PLXDC2: variants seen among roughly 807,000 people sequenced by gnomAD.
PLXDC2 encodes the protein plexin domain containing 2.
PLXDC2 carries 40 observed loss-of-function variants against 68.9 expected under a neutral mutation model. The ratio of observed to expected loss-of-function variants is 0.58; its 90% CI spans 0.45 to 0.76. The LOEUF (loss-of-function observed/expected upper bound fraction) is 0.76, where lower values mean the gene tolerates loss of function less well. Ranked by LOEUF, PLXDC2 falls within the 30% of genes least tolerant of loss-of-function variation. The pLI, the probability that PLXDC2 is intolerant of heterozygous loss-of-function variation, is 0.00. For missense variants in PLXDC2, 644 were observed against 661.9 expected (o/e 0.97, Z 0.30); for synonymous variants, 243 against 234.2 (o/e 1.04, Z -0.34).
intron 1 of PLXDC2, among the ~76,000 whole-genome samples, chr10:19,886,499 A>G (rs1837848676): frequency 6.6e-6 from 1 of 152,242 alleles, no homozygotes; most frequent in Non-Finnish European, 1.5e-5. Flanking sequence ...GTAATCCAGC[A>G]TATAAACAGA....
intron 2 of PLXDC2, 42 bp downstream of exon 2, chr10:20,002,028 T>C: frequency 6.4e-7 from 1 of 1,556,686 alleles, no homozygotes; most frequent in Non-Finnish European, 8.7e-7. Flanking sequence ...TTAATGAATT[T>C]ATTTCATGTA....
intron 2 of PLXDC2, among the ~76,000 whole-genome samples, chr10:20,009,172 A>G (rs990994130): frequency 2.6e-5 from 4 of 152,198 alleles, no homozygotes; most frequent in Non-Finnish European, 4.4e-5. Flanking sequence ...ATTTCACAGA[A>G]ATAGAGTGAT....
At chr10:20,082,064 C>CAAAAAAAAAAAAAAAAAAAAAAAAAAAAA (rs1252447303) in intron 4 of PLXDC2, among the ~76,000 whole-genome samples, 3 of 70,152 alleles carry the variant, frequency 4.3e-5, no homozygotes, top group Admixed American at 1.9e-4. Context: ...AAAAAAAAAT[C>CAAAAAAAAAAAAAAAAAAAAAAAAAAAAA]AAAAAAAAAA....
rs973001661 is a variant in PLXDC2, at chr10:20,282,869, T to G, written c.*3050T>G. On this transcript the variant is annotated 3_prime_UTR_variant, in exon 14 of 14. Coordinates refer to ENST00000377252, the MANE Select transcript of PLXDC2 (RefSeq NM_032812.9). ...TTGAGGTATCAAGGGCATTTGCCAA[T>G]CTCTTATATGTAGCTTCTAGAGTTG... 1.3e-5 allele frequency: 2 copies of G among 152,232 alleles called. No homozygotes were observed. Among genetic ancestry groups the G allele is most frequent in the South Asian group, 4.1e-4 (2 of 4,830 alleles). The allele number at this position is 152,232 out of a possible 1,614,324, so 9.4% of individuals were successfully genotyped here. A position where few individuals can be genotyped will look rare whatever the true frequency, so the allele number is the denominator to read the frequency against.
At chr10:19,997,755 A>C (rs1379740297) in intron 1 of PLXDC2, among the ~76,000 whole-genome samples, 1 of 152,196 alleles carries the variant, frequency 6.6e-6, no homozygotes, top group South Asian at 2.1e-4. Flanking sequence ...ATATATGAGG[A>C]TACACATGAA....
At chr10:19,908,373 C>T (rs575613772) in intron 1 of PLXDC2, among the ~76,000 whole-genome samples, 1 of 151,990 alleles carries the variant, frequency 6.6e-6, no homozygotes, top group African/African-American at 2.4e-5. Context: ...GTTAGAAGTA[C>T]CTAATTGATC....
At chr10:19,955,400 G>A (rs1457141284) in intron 1 of PLXDC2, among the ~76,000 whole-genome samples, 3 of 151,700 alleles carry the variant, frequency 2.0e-5, no homozygotes, top group Admixed American at 6.6e-5. Flanking sequence ...ACCCATTTCC[G>A]GGAAATGCAC....
chr10:20,012,199 T>A (rs1835125736), intron 2 of PLXDC2, among the ~76,000 whole-genome samples: 2 of 152,082 alleles, frequency 1.3e-5, no homozygotes, highest in African/African-American at 4.8e-5. Flanking sequence ...AAGCAATGAT[T>A]AATATTTACA....
At chr10:20,130,734 A>G (rs1034289839) in intron 4 of PLXDC2, among the ~76,000 whole-genome samples, 3 of 152,252 alleles carry the variant, frequency 2.0e-5, no homozygotes, top group South Asian at 2.1e-4. Flanking sequence ...GCTTTTTTGC[A>G]TATATCGAGA....
intron 1 of PLXDC2, among the ~76,000 whole-genome samples, chr10:19,922,022 C>G (rs894052939): frequency 6.6e-6 from 1 of 152,112 alleles, no homozygotes; most frequent in Admixed American, 6.5e-5. Flanking sequence ...CCATGCCCGA[C>G]TAATTTTTGT....
Position 20,251,634 on chromosome 10 carries a change from A to C in PLXDC2, c.1473+6129A>C, listed in dbSNP as rs191289298. Among the ~76,000 whole-genome samples, 13 of 152,280 alleles carry C rather than the reference A, an allele frequency of 8.5e-5. No homozygotes were observed. The East Asian group carries it at 2.3e-3, about 27-fold the overall frequency. On this transcript the variant is annotated intron_variant, in intron 13 of 13. Transcript: ENST00000377252. The stretch of plus-strand genomic sequence containing the variant: ...CAAGATTTTTAAATAAAATACATAA[A>C]ATGTAATCTAACTGAAGGTCAAGAA...
intron 1 of PLXDC2, among the ~76,000 whole-genome samples, chr10:19,821,059 G>A (rs944515275): frequency 3.3e-5 from 5 of 152,306 alleles, no homozygotes; most frequent in Middle Eastern, 3.4e-3. Context: ...CAGCCTGGAT[G>A]GGCGACAAAG....
At chr10:19,906,199 C>T (rs112386651) in intron 1 of PLXDC2, among the ~76,000 whole-genome samples, 5 of 151,914 alleles carry the variant, frequency 3.3e-5, no homozygotes, top group East Asian at 3.9e-4. Context: ...TGTGCACATG[C>T]GTGTGTGTTG....
In PLXDC2 at chr10:19,974,808, T is replaced by C. The variant is rs1834420688; in HGVS notation, c.113-26967T>C. Among the ~76,000 whole-genome samples, 4 of 152,200 alleles carry C rather than the reference T, an allele frequency of 2.6e-5. No homozygotes were observed. The South Asian group carries it at 6.2e-4, about 24-fold the overall frequency. On this transcript the variant is annotated intron_variant, in intron 1 of 13. Coordinates refer to ENST00000377252, the MANE Select transcript of PLXDC2 (RefSeq NM_032812.9). The stretch of plus-strand genomic sequence containing the variant: ...TGAACAAATATCTAAACTTGGACTG[T>C]AATTTTGTTTAGTAACAGAATCATT...
intron 9 of PLXDC2, among the ~76,000 whole-genome samples, chr10:20,197,961 T>TTA (rs1834864279): frequency 6.6e-6 from 1 of 152,210 alleles, no homozygotes; most frequent in South Asian, 2.1e-4. Flanking sequence ...TGATCTTAAA[T>TTA]GTTAATAGCT....
intron 2 of PLXDC2, among the ~76,000 whole-genome samples, chr10:20,012,830 T>A (rs1408618152): frequency 6.6e-6 from 1 of 152,206 alleles, no homozygotes; most frequent in East Asian, 1.9e-4. Context: ...AAGAAAACAC[T>A]TCTGTTCATG....
intron 1 of PLXDC2, among the ~76,000 whole-genome samples, chr10:19,836,316 G>C (rs1836791738): frequency 1.3e-5 from 2 of 152,194 alleles, no homozygotes; most frequent in South Asian, 4.1e-4. Context: ...AAGACAATCA[G>C]TAGGTGCATA....
chr10:19,881,876 G>A (rs1270334168), intron 1 of PLXDC2, among the ~76,000 whole-genome samples: 1 of 152,124 alleles, frequency 6.6e-6, no homozygotes. Context: ...ACTATGCAAA[G>A]CCCATATTGA....
chr10:19,947,081 G>C (rs1435705051), intron 1 of PLXDC2, among the ~76,000 whole-genome samples: 1 of 152,134 alleles, frequency 6.6e-6, no homozygotes, highest in African/African-American at 2.4e-5. Flanking sequence ...GAAGATTCTA[G>C]ACAGCTGGCT....
Sources: gnomAD v4.1 joint callset for allele counts (sites outside exome capture counted in the v4.1 genomes callset) on GRCh38, gnomAD v4.1.1 for gene constraint, MANE v1.5 for transcripts, NCBI Gene and HGNC (gene_info 2026-07-23, HGNC 2026-07-21) for gene names.